The following SYT1 variants were observed in gnomAD, a reference collection of about 807,000 sequenced individuals.
The protein encoded by SYT1 is synaptotagmin 1.
In SYT1, 8 loss-of-function variants were observed where a neutral mutation model predicts 44.8. That is an observed-to-expected ratio of 0.18 (90% CI 0.10 to 0.32). The LOEUF (loss-of-function observed/expected upper bound fraction) is 0.32, where lower values mean the gene tolerates loss of function less well. SYT1 is among the 10% of genes least tolerant of loss of function. The probability of loss-of-function intolerance (pLI) is 1.00; values close to 1 mark genes in which losing one functional copy is unlikely to be tolerated. For synonymous variants in SYT1, 154 were observed against 188.8 expected, an observed-to-expected ratio of 0.82 and a Z score of 1.51; for missense variants, 286 against 509.3, an observed-to-expected ratio of 0.56 and a Z score of 4.22.
chr12:79,205,035 G>A (rs1457317015), intron 3 of SYT1, among the ~76,000 whole-genome samples: 1 of 147,952 alleles, frequency 6.8e-6, no homozygotes, highest in East Asian at 2.0e-4. Flanking sequence ...TGCAATCTCG[G>A]CTCACTGCAA....
chr12:79,348,192 A>G (rs1386926266), intron 8 of SYT1, among the ~76,000 whole-genome samples: 2 of 152,186 alleles, frequency 1.3e-5, no homozygotes, highest in Non-Finnish European at 2.9e-5. Context: ...TCAGATTTCC[A>G]TTTTAAAAGG....
rs1870905243 is a variant in SYT1, at chr12:79,449,203, C to T, written c.*79C>T. On this transcript the variant is annotated 3_prime_UTR_variant, in exon 11 of 11. Transcript: ENST00000261205. ...CTGTAAATACCTCAGTAATATGGGT[C>T]CTTTCATTTTTCCAGCCATGCATTC... The T allele has an allele frequency of 2.9e-6, 4 of 1,400,242 alleles. No homozygotes were observed. The highest frequency in any genetic ancestry group is 3.9e-6 in the Non-Finnish European group (4 of 1,025,956). The allele number at this position is 1,400,242 out of a possible 1,614,324, so 86.7% of individuals were successfully genotyped here. A position where few individuals can be genotyped will look rare whatever the true frequency, so the allele number is the denominator to read the frequency against.
At chr12:79,245,630 T>G (rs149486585) in intron 4 of SYT1, among the ~76,000 whole-genome samples, 1 of 152,010 alleles carries the variant, frequency 6.6e-6, no homozygotes, top group African/African-American at 2.4e-5. Context: ...AAAATAATTA[T>G]GCAATTTTGT....
At chr12:79,038,995 C>T (rs1003252674) in intron 2 of SYT1, among the ~76,000 whole-genome samples, 1 of 151,950 alleles carries the variant, frequency 6.6e-6, no homozygotes, top group African/African-American at 2.4e-5. Context: ...AAATGTCCAA[C>T]ATTAAAATGA....
chr12:78,954,536 GAGAGAGAA>G (rs1302098750), intron 1 of SYT1, among the ~76,000 whole-genome samples: 3 of 151,938 alleles, frequency 2.0e-5, no homozygotes, highest in Non-Finnish European at 4.4e-5. Context: ...ATCAGAGAGA[GAGAGAGAA>G]AGAGAGAAAG....
intron 1 of SYT1, among the ~76,000 whole-genome samples, chr12:78,901,004 A>G (rs1197108910): frequency 1.3e-5 from 2 of 152,148 alleles, no homozygotes; most frequent in Non-Finnish European, 2.9e-5. Context: ...TCAAAATTCA[A>G]TTGAACAAAA....
rs1049593254 is a variant in SYT1, at chr12:79,314,150, C to T, written c.810+14599C>T. On this transcript the variant is annotated intron_variant, in intron 8 of 10. Transcript: ENST00000261205. ...CGCCACTGCACTCCAGCCTGGGCGA[C>T]AGAGCGAGACTCCGTCTCAAAAAAA... Among the ~76,000 whole-genome samples the T allele has an allele frequency of 2.7e-5, 3 of 112,912 alleles. No homozygotes were observed. The Admixed American group carries it at 4.0e-4, about 15-fold the overall frequency. 74.1% of individuals were successfully genotyped at this position (112,912 alleles called of 152,430 possible).
At chr12:79,305,193 A>G (rs1328766691) in intron 8 of SYT1, among the ~76,000 whole-genome samples, 1 of 152,206 alleles carries the variant, frequency 6.6e-6, no homozygotes, top group Non-Finnish European at 1.5e-5. Context: ...CCAAATTCTC[A>G]CTTTAGAGTT....
At chr12:79,182,824 C>T (rs935262162) in intron 3 of SYT1, among the ~76,000 whole-genome samples, 8 of 152,004 alleles carry the variant, frequency 5.3e-5, no homozygotes, top group African/African-American at 1.9e-4. Flanking sequence ...GAAATCAGTT[C>T]TGTTACTTCT....
At chr12:79,290,111 C>A (rs1879506161) in intron 5 of SYT1, among the ~76,000 whole-genome samples, 1 of 152,106 alleles carries the variant, frequency 6.6e-6, no homozygotes, top group Admixed American at 6.5e-5. Flanking sequence ...GATAATGTTT[C>A]TACACCGATG....
chr12:79,103,344 G>T (rs1002751892), intron 3 of SYT1, among the ~76,000 whole-genome samples: 4 of 151,960 alleles, frequency 2.6e-5, no homozygotes, highest in African/African-American at 9.7e-5. Context: ...ATAAATAAAA[G>T]TGAAAGAGGA....
chr12:79,349,011 G>GAAAGAAAGAAAGAA (rs1565919756), intron 8 of SYT1, among the ~76,000 whole-genome samples: 1 of 108,384 alleles, frequency 9.2e-6, no homozygotes, highest in African/African-American at 3.7e-5. Context: ...AAGAAAGAAA[G>GAAAGAAAGAAAGAA]AAAGAAAGAA....
chr12:79,025,250 A>G (rs1346675299), intron 2 of SYT1, among the ~76,000 whole-genome samples: 1 of 151,812 alleles, frequency 6.6e-6, no homozygotes, highest in Non-Finnish European at 1.5e-5. Flanking sequence ...TATCTGAACC[A>G]TCATTAGTTT....
chr12:79,294,397 C>G (rs149999248), intron 6 of SYT1, among the ~76,000 whole-genome samples: 1 of 152,066 alleles, frequency 6.6e-6, no homozygotes, highest in African/African-American at 2.4e-5. Context: ...TCCTAAGAAG[C>G]AGGAAGTTAA....
chr12:79,392,193 C>T (rs993754094), intron 9 of SYT1: 22 of 152,046 alleles, frequency 1.4e-4, no homozygotes, highest in African/African-American at 5.1e-4. Flanking sequence ...CCTAAATAGG[C>T]AAGTTTCCAT....
intron 3 of SYT1, among the ~76,000 whole-genome samples, chr12:79,103,620 A>C (rs11835331): frequency 0.11 from 17,018 of 152,084 alleles, 1,022 homozygotes; most frequent in African/African-American, 0.13. Flanking sequence ...CATAATATTT[A>C]TTCCATAAAA....
At chr12:79,310,799 T>C (rs1880741740) in intron 8 of SYT1, among the ~76,000 whole-genome samples, 1 of 152,360 alleles carries the variant, frequency 6.6e-6, no homozygotes, top group African/African-American at 2.4e-5. Flanking sequence ...AGTTCACTCA[T>C]AATTTGGCTC....
intron 4 of SYT1, among the ~76,000 whole-genome samples, chr12:79,279,179 T>C (rs1271207701): frequency 1.5e-4 from 23 of 151,802 alleles, no homozygotes; most frequent in Admixed American, 1.5e-3. Context: ...ATCACCCTAA[T>C]AACCAAGCCA....
intron 3 of SYT1, among the ~76,000 whole-genome samples, chr12:79,064,306 T>A (rs1159405395): frequency 6.6e-6 from 1 of 151,896 alleles, no homozygotes; most frequent in Non-Finnish European, 1.5e-5. Context: ...TGAATAAGAG[T>A]GTAATGATTT....
Sources: allele counts gnomAD v4.1 joint callset (sites outside exome capture counted in the v4.1 genomes callset), GRCh38; gene constraint gnomAD v4.1.1; transcripts MANE v1.5; gene names NCBI Gene and HGNC (gene_info 2026-07-23, HGNC 2026-07-21).